MAGI1: variants seen among roughly 807,000 people sequenced by gnomAD.
MAGI1 encodes membrane associated guanylate kinase, WW and PDZ domain containing 1.
A neutral mutation model predicts 139.9 loss-of-function variants in MAGI1; 58 were observed. The observed-to-expected ratio is 0.41, with a 90% CI of 0.34 to 0.52. MAGI1 has a LOEUF of 0.52. MAGI1 is among the 20% of genes least tolerant of loss of function. The pLI is 0.12. For missense variants in MAGI1, 1,874 were observed against 1,901.6 expected, an observed-to-expected ratio of 0.99 and a Z score of 0.27; for synonymous variants, 812 against 737.9, an observed-to-expected ratio of 1.10 and a Z score of -1.63.
rs264079 is a variant in MAGI1, at chr3:65,806,553, G to A, written c.314-184465C>T. 5.1e-3 allele frequency among the ~76,000 whole-genome samples: 778 copies of A among 152,068 alleles called. 4 individuals carry two copies. The highest frequency in any genetic ancestry group is 8.6e-3 in the Non-Finnish European group (582 of 67,980). ...GTACGTCACTTTCCATTTTTTGCCC[G>A]TAAGTCTCCCACCACATAACTGCGT... On this transcript the variant is annotated intron_variant, in intron 1 of 22. Coordinates refer to ENST00000402939, the MANE Select transcript of MAGI1 (RefSeq NM_001033057.2).
intron 22 of MAGI1, chr3:65,359,162 G>A: frequency 1.2e-6 from 2 of 1,612,694 alleles, no homozygotes; most frequent in South Asian, 1.1e-5. Context: ...GCTGTGGAAG[G>A]GAGGGCCCAG....
At chr3:65,850,675 A>G (rs1559941800) in intron 1 of MAGI1, among the ~76,000 whole-genome samples, 1 of 152,186 alleles carries the variant, frequency 6.6e-6, no homozygotes, top group Non-Finnish European at 1.5e-5. Flanking sequence ...AAAAAGACCA[A>G]TAAGCAGTGC....
chr3:65,356,260 A>T lies in MAGI1; in HGVS notation c.*118T>A, dbSNP rs968441882. On this transcript the variant is annotated 3_prime_UTR_variant, in exon 23 of 23. Transcript: ENST00000402939. ...TCAAATGCATAAAATGTTTGTTGTT[A>T]TTCATAGGATCATCAGGTGTCAGAT... The T allele has an allele frequency of 5.2e-6, 5 of 954,814 alleles. No homozygotes were observed. The highest frequency in any genetic ancestry group is 7.5e-6 in the Non-Finnish European group (5 of 670,486). 59.1% of individuals were successfully genotyped at this position (954,814 alleles called of 1,614,324 possible). A position where few individuals can be genotyped will look rare whatever the true frequency, so the allele number is the denominator to read the frequency against.
chr3:65,954,119 G>A (rs1409871735), intron 1 of MAGI1, among the ~76,000 whole-genome samples: 1 of 152,024 alleles, frequency 6.6e-6, no homozygotes, highest in East Asian at 1.9e-4. Flanking sequence ...TCCAACATCA[G>A]GGGGCAAAAA....
chr3:65,428,149 G>C (rs902819908), intron 12 of MAGI1, among the ~76,000 whole-genome samples: 1 of 152,064 alleles, frequency 6.6e-6, no homozygotes, highest in African/African-American at 2.4e-5. Context: ...TGAGAATCTG[G>C]CTGCTGTGAC....
At chr3:65,916,094 T>C (rs551907996) in intron 1 of MAGI1, among the ~76,000 whole-genome samples, 146 of 150,946 alleles carry the variant, frequency 9.7e-4, no homozygotes, top group African/African-American at 2.6e-3. Flanking sequence ...TGAGACAGAG[T>C]CTTGCTCTGT....
At chr3:65,477,545 C>T (rs888068827) in intron 4 of MAGI1, among the ~76,000 whole-genome samples, 5 of 152,006 alleles carry the variant, frequency 3.3e-5, no homozygotes, top group South Asian at 2.1e-4. Context: ...ACAAGGTGTT[C>T]GTCTAATCCA....
chr3:65,449,850 T>TA (rs1442695644), intron 6 of MAGI1, among the ~76,000 whole-genome samples: 2 of 152,068 alleles, frequency 1.3e-5, no homozygotes, highest in Non-Finnish European at 2.9e-5. Context: ...AAACTAAAAT[T>TA]AAAACCATGA....
At position 65,612,517 on chromosome 3, in the gene MAGI1, T is replaced by C. The variant is rs903108288; in HGVS notation, c.430+9455A>G. 6.6e-4 allele frequency among the ~76,000 whole-genome samples: 101 copies of C among 152,168 alleles called. 1 individual carries two copies. The highest frequency in any genetic ancestry group is 1.2e-3 in the Admixed American group (19 of 15,264). On this transcript the variant is annotated intron_variant, in intron 2 of 22. Transcript: ENST00000402939. The stretch of plus-strand genomic sequence containing the variant: ...ATTTTAAATGCAATAAAAAAATATG[T>C]CATTGATCATTTTAAAAGTCTACTT...
intron 1 of MAGI1, among the ~76,000 whole-genome samples, chr3:66,034,776 A>G (rs907737602): frequency 3.9e-5 from 6 of 152,236 alleles, no homozygotes; most frequent in African/African-American, 1.4e-4. Context: ...ACATGCAACA[A>G]AACGAAATCT....
At chr3:65,963,889 A>G (rs185477777) in intron 1 of MAGI1, among the ~76,000 whole-genome samples, 9 of 152,358 alleles carry the variant, frequency 5.9e-5, no homozygotes, top group African/African-American at 1.2e-4. Context: ...CTGAAGGTCA[A>G]CACTTTTTCA....
rs1048851061 is a variant in MAGI1 at position 65,394,259 on chromosome 3, C to A, written c.2200-2901G>T. On this transcript the variant is annotated intron_variant, in intron 13 of 22. Transcript: ENST00000402939. ...AATTATAACACCCTTTCTCACCTCC[C>A]CAATAAATGACTCATTTAGGTCCAA... Among the ~76,000 whole-genome samples the A allele has an allele frequency of 6.0e-4, 91 of 152,272 alleles. 1 individual carries two copies. Among genetic ancestry groups the A allele is most frequent in the South Asian group, 2.1e-4 (1 of 4,822 alleles).
At chr3:65,779,425 CT>C (rs1189125641) in intron 1 of MAGI1, among the ~76,000 whole-genome samples, 1 of 152,258 alleles carries the variant, frequency 6.6e-6, no homozygotes, top group African/African-American at 2.4e-5. Flanking sequence ...AAGCACTCAA[CT>C]TTTTTCCAAA....
intron 12 of MAGI1, 175 bp from the exon 13 acceptor site, chr3:65,401,645 G>C: frequency 6.5e-7 from 1 of 1,549,186 alleles, no homozygotes; most frequent in Non-Finnish European, 8.7e-7. Context: ...AATCAAAGCA[G>C]AGGGAGGAGG....
At chr3:65,531,373 T>C (rs1330745897) in intron 2 of MAGI1, among the ~76,000 whole-genome samples, 12 of 152,118 alleles carry the variant, frequency 7.9e-5, no homozygotes. Context: ...GCCTAATACA[T>C]TATCGTCAGG....
intron 1 of MAGI1, among the ~76,000 whole-genome samples, chr3:65,883,861 C>T (rs1234338324): frequency 2.0e-5 from 3 of 152,064 alleles, no homozygotes; most frequent in African/African-American, 4.8e-5. Context: ...GTCACTCCCC[C>T]GAATAAACTA....
chr3:65,849,344 C>G (rs191996158), intron 1 of MAGI1, among the ~76,000 whole-genome samples: 1 of 151,800 alleles, frequency 6.6e-6, no homozygotes, highest in Admixed American at 6.6e-5. Flanking sequence ...CTTTTCCCTT[C>G]TGCACAAACA....
rs1245201926 is a variant in MAGI1, at chr3:66,003,962, G to T, written c.313+34034C>A. On this transcript the variant is annotated intron_variant, in intron 1 of 22. Coordinates refer to ENST00000402939, the MANE Select transcript of MAGI1 (RefSeq NM_001033057.2). Reference sequence around the variant, plus strand: ...AGCTGTTTATTTGTTTATAATAATAGTAACAAGAGAAGGCGGGGGACATCA... The same window carrying T: ...AGCTGTTTATTTGTTTATAATAATATTAACAAGAGAAGGCGGGGGACATCA... 3 of 152,112 alleles carry T rather than the reference G, an allele frequency of 2.0e-5. No individual in the cohort carries two copies. The East Asian group carries it at 5.8e-4, about 29-fold the overall frequency. 9.4% of individuals were successfully genotyped at this position (152,112 alleles called of 1,614,324 possible). A position where few individuals can be genotyped will look rare whatever the true frequency, so the allele number is the denominator to read the frequency against.
intron 1 of MAGI1, among the ~76,000 whole-genome samples, chr3:65,737,800 T>A (rs919463049): frequency 6.6e-6 from 1 of 152,282 alleles, no homozygotes; most frequent in South Asian, 2.1e-4. Flanking sequence ...TACCCACATA[T>A]GGCAAATGGG....
Sources: gnomAD v4.1 joint callset for allele counts (sites outside exome capture counted in the v4.1 genomes callset) on GRCh38, gnomAD v4.1.1 for gene constraint, MANE v1.5 for transcripts, NCBI Gene and HGNC (gene_info 2026-07-23, HGNC 2026-07-21) for gene names.